DGKG: variants seen among roughly 807,000 people sequenced by gnomAD.
DGKG encodes diacylglycerol kinase gamma.
DGKG carries 78 observed loss-of-function variants against 105.3 expected under a neutral mutation model. The observed-to-expected ratio is 0.74, with a 90% CI of 0.62 to 0.89. The LOEUF is 0.89. Ranked by LOEUF, DGKG falls within the 40% of genes least tolerant of loss-of-function variation. DGKG has a pLI of 0.00. For synonymous variants in DGKG, 346 were observed against 367.1 expected, an observed-to-expected ratio of 0.94 and a Z score of 0.66; for missense variants, 958 against 1,020.1, an observed-to-expected ratio of 0.94 and a Z score of 0.83.
intron 14 of DGKG, among the ~76,000 whole-genome samples, chr3:186,264,342 C>A (rs1721937813): frequency 1.3e-5 from 2 of 152,160 alleles, no homozygotes; most frequent in Admixed American, 1.3e-4. Context: ...CGGCTCACTG[C>A]AACCTCCACC....
At position 186,253,089 on chromosome 3, in the gene DGKG, T is replaced by C. The variant is rs1303812870; in HGVS notation, c.1600+4A>G. 2 of 1,613,784 alleles carry C rather than the reference T, an allele frequency of 1.2e-6. No individual in the cohort carries two copies. Among genetic ancestry groups the C allele is most frequent in the African/African-American group, 2.7e-5 (2 of 74,892 alleles). On this transcript the variant is annotated splice_donor_region_variant and intron_variant, in intron 18 of 24. Coordinates refer to ENST00000265022, the MANE Select transcript of DGKG (RefSeq NM_001346.3). ...AGGGTACCACCATTAGCATGCAAAC[T>C]CACCTCCTCCCCAGCGGAGACAACG...
chr3:186,272,254 C>T lies in DGKG; in HGVS notation c.999+1G>A, dbSNP rs753632737. The T allele has an allele frequency of 1.1e-5, 18 of 1,612,240 alleles. No individual in the cohort carries two copies. Among genetic ancestry groups the T allele is most frequent in the Non-Finnish European group, 1.4e-5 (16 of 1,178,410 alleles). Reference sequence around the variant, plus strand: ...AGAACAAGGCAGTAGATGTCACCAACCTCACCACTCCTTTTGGCTTTTGAG... The same window carrying T: ...AGAACAAGGCAGTAGATGTCACCAATCTCACCACTCCTTTTGGCTTTTGAG... On this transcript the variant is annotated splice_donor_variant, in intron 11 of 24. Coordinates refer to ENST00000265022, the MANE Select transcript of DGKG (RefSeq NM_001346.3). LOFTEE classifies it high-confidence loss of function.
At chr3:186,180,697 AT>A (rs1324173892) in intron 22 of DGKG, among the ~76,000 whole-genome samples, 2 of 152,210 alleles carry the variant, frequency 1.3e-5, no homozygotes, top group Non-Finnish European at 2.9e-5. Context: ...GTATGGCTTC[AT>A]AAAGGTGAAA....
rs1353361761 is a variant in DGKG at position 186,272,195 on chromosome 3, T to A, written c.999+60A>T. On this transcript the variant is annotated intron_variant, in intron 11 of 24. Transcript: ENST00000265022. The stretch of plus-strand genomic sequence containing the variant: ...GCCCCTTCCTGCCCAGGAATCCATG[T>A]TGATGGACATGTTTCCTGGATGAGG... 9 of 1,341,590 alleles carry A rather than the reference T, an allele frequency of 6.7e-6. No homozygotes were observed. The South Asian group carries it at 1.1e-4, about 16-fold the overall frequency. The allele number at this position is 1,341,590 out of a possible 1,614,324, so 83.1% of individuals were successfully genotyped here.
In DGKG at chr3:186,298,138, A is replaced by T; in HGVS notation, c.236T>A (p.Phe79Tyr). 1 of 1,614,142 alleles carries T rather than the reference A, an allele frequency of 6.2e-7. No homozygotes were observed. The highest frequency in any genetic ancestry group is 1.1e-5 in the South Asian group (1 of 91,070). Residue 79 changes from phenylalanine to tyrosine, a missense_variant, in exon 4 of 25, where the codon TTC becomes TAC. Coordinates refer to ENST00000265022, the MANE Select transcript of DGKG (RefSeq NM_001346.3). ...QPLSTHLFLAFSQKPRHETSD... is the reference protein window; with the variant it reads ...QPLSTHLFLAYSQKPRHETSD... The stretch of plus-strand genomic sequence containing the variant: ...GGTCTCGTGTCTGGGCTTCTGGCTG[A>T]AGGCCAGGAAGAGGTGAGTGCTCAG...
Position 186,327,649 on chromosome 3 carries a change from G to A in DGKG, c.-248-6942C>T, listed in dbSNP as rs561803973. Among the ~76,000 whole-genome samples the A allele has an allele frequency of 3.3e-4, 50 of 151,910 alleles. No individual in the cohort carries two copies. The South Asian group carries it at 8.4e-3, about 25-fold the overall frequency. On this transcript the variant is annotated intron_variant, in intron 1 of 24. Coordinates refer to ENST00000265022, the MANE Select transcript of DGKG (RefSeq NM_001346.3). ...GCTGATCTCGAACTCCTGGGCTCAA[G>A]TGATCCACCTGCCTCGGTCTCCCAA... is the stretch of plus-strand genomic sequence containing the variant.
intron 12 of DGKG, among the ~76,000 whole-genome samples, 189 bp from the exon 13 acceptor site, chr3:186,267,966 T>G (rs1722136090): frequency 6.6e-6 from 1 of 152,062 alleles, no homozygotes. Context: ...GTGCAAAGTC[T>G]GCTGTGGGCT....
At chr3:186,238,096 C>T (rs1055062251) in intron 20 of DGKG, among the ~76,000 whole-genome samples, 1 of 151,902 alleles carries the variant, frequency 6.6e-6, no homozygotes, top group African/African-American at 2.4e-5. Flanking sequence ...AGTTCAAGAC[C>T]AGGCTTGCTG....
At chr3:186,223,134 C>T (rs571727664) in intron 20 of DGKG, among the ~76,000 whole-genome samples, 1 of 150,018 alleles carries the variant, frequency 6.7e-6, no homozygotes, top group Non-Finnish European at 1.5e-5. Context: ...ACTTAAAGTA[C>T]AGGGAGCACA....
chr3:186,271,427 C>T (rs1722312258), intron 11 of DGKG, among the ~76,000 whole-genome samples: 1 of 152,114 alleles, frequency 6.6e-6, no homozygotes, highest in Non-Finnish European at 1.5e-5. Flanking sequence ...GCCTGGGGGA[C>T]CCTCAGCACA....
intron 5 of DGKG, among the ~76,000 whole-genome samples, chr3:186,297,163 T>C (rs1352111254): frequency 6.6e-6 from 1 of 151,544 alleles, no homozygotes; most frequent in Non-Finnish European, 1.5e-5. Context: ...GAGATAAACA[T>C]CTAGCAAGCT....
intron 7 of DGKG, among the ~76,000 whole-genome samples, 190 bp from the exon 8 acceptor site, chr3:186,280,934 C>T (rs751462949): frequency 1.3e-5 from 2 of 152,172 alleles, no homozygotes; most frequent in Non-Finnish European, 2.9e-5. Context: ...ACGAGAAGCA[C>T]AGAGCATGCA....
intron 20 of DGKG, among the ~76,000 whole-genome samples, chr3:186,212,960 C>T (rs60826984): frequency 0.024 from 3,657 of 152,312 alleles, 127 homozygotes; most frequent in African/African-American, 0.072. Flanking sequence ...GAAGAGGGCT[C>T]TTATTTTTTC....
At chr3:186,227,921 A>G (rs1033718470) in intron 20 of DGKG, among the ~76,000 whole-genome samples, 3 of 152,234 alleles carry the variant, frequency 2.0e-5, no homozygotes, top group African/African-American at 7.2e-5. Context: ...TTTTCCAAAA[A>G]TACTCTTATG....
intron 2 of DGKG, among the ~76,000 whole-genome samples, chr3:186,309,332 G>C (rs1166882165): frequency 3.3e-5 from 5 of 152,224 alleles, no homozygotes; most frequent in Non-Finnish European, 7.3e-5. Context: ...GGACAAGTCA[G>C]AACCAGAGAG....
At chr3:186,339,780 A>G (rs952426411) in intron 1 of DGKG, among the ~76,000 whole-genome samples, 3 of 152,160 alleles carry the variant, frequency 2.0e-5, no homozygotes, top group Non-Finnish European at 4.4e-5. Flanking sequence ...TGTCAGCAGT[A>G]CCCGGAAATC....
Position 186,155,073 on chromosome 3 carries a change from A to T in DGKG, c.2278-4885T>A, listed in dbSNP as rs138615779. ...CTGTGATGGTGAAGCACGAGAGATCATCTTACAGTGTAATAATAATGAGAC... is the reference window on the plus strand; with the variant it reads ...CTGTGATGGTGAAGCACGAGAGATCTTCTTACAGTGTAATAATAATGAGAC... On this transcript the variant is annotated intron_variant, in intron 24 of 24. Coordinates refer to ENST00000265022, the MANE Select transcript of DGKG (RefSeq NM_001346.3). 3.8e-3 allele frequency among the ~76,000 whole-genome samples: 579 copies of T among 152,366 alleles called. 7 individuals carry two copies. The highest frequency in any genetic ancestry group is 0.013 in the African/African-American group (555 of 41,574).
chr3:186,167,944 G>C (rs1375564670), intron 22 of DGKG, among the ~76,000 whole-genome samples: 2 of 152,218 alleles, frequency 1.3e-5, no homozygotes, highest in African/African-American at 2.4e-5. Flanking sequence ...TGAACTGCAG[G>C]ATCAAGGAAG....
intron 21 of DGKG, among the ~76,000 whole-genome samples, chr3:186,202,594 T>C (rs1718525376): frequency 6.6e-6 from 1 of 152,236 alleles, no homozygotes; most frequent in Non-Finnish European, 1.5e-5. Context: ...TTATTATTAC[T>C]TAAAAGATGC....
Sources: gnomAD v4.1 joint callset for allele counts (sites outside exome capture counted in the v4.1 genomes callset) on GRCh38, gnomAD v4.1.1 for gene constraint, MANE v1.5 for transcripts, NCBI Gene and HGNC (gene_info 2026-07-23, HGNC 2026-07-21) for gene names.